Variants in RIBC2 observed in about 807,000 individuals in gnomAD.
RIBC2 encodes RIB43A domain with coiled-coils 2.
A neutral mutation model predicts 44.3 loss-of-function variants in RIBC2; 40 were observed. The ratio of observed to expected loss-of-function variants is 0.90; its 90% confidence interval spans 0.70 to 1.18. The LOEUF (loss-of-function observed/expected upper bound fraction) is 1.18. RIBC2 is among the 50% of genes most tolerant of loss of function. RIBC2 has a pLI of 0.00. For synonymous variants in RIBC2, 171 were observed against 175.0 expected (o/e 0.98, Z 0.18); for missense variants, 459 against 485.5 (o/e 0.95, Z 0.51).
chr22:45,430,258 C>T (rs770748753), intron 5 of RIBC2, among the ~76,000 whole-genome samples: 9 of 152,228 alleles, frequency 5.9e-5, no homozygotes, highest in East Asian at 1.9e-4. Flanking sequence ...AAAGGGGACT[C>T]GTCTTCAGCC....
In RIBC2 at chr22:45,426,133, G is replaced by A. The variant is rs1377473773; in HGVS notation, c.861G>A (p.Glu287=). ...AGGGCATGACCCAGGAGCAGCTGGAGCAGATCCGCCTAGTCCAGAAGCAGC... is the reference window on the plus strand; with the variant it reads ...AGGGCATGACCCAGGAGCAGCTGGAACAGATCCGCCTAGTCCAGAAGCAGC... ...RWKGMTQEQL[E]QIRLVQKQQI... Residue 287 remains glutamate, a synonymous_variant, in exon 5 of 7, where the codon GAG becomes GAA. Coordinates refer to ENST00000614167, the MANE Select transcript of RIBC2 (RefSeq NM_015653.5). The A allele has an allele frequency of 6.2e-7, 1 of 1,613,932 alleles. No individual in the cohort carries two copies. Among genetic ancestry groups the A allele is most frequent in the East Asian group, 2.2e-5 (1 of 44,892 alleles).
At chr22:45,416,564 C>T (rs1696618031) in intron 2 of RIBC2, among the ~76,000 whole-genome samples, 1 of 152,052 alleles carries the variant, frequency 6.6e-6, no homozygotes, top group Non-Finnish European at 1.5e-5. Context: ...CGGGTTCAAG[C>T]GATTCTCCTG....
At chr22:45,427,586 A>T (rs908228197) in intron 5 of RIBC2, among the ~76,000 whole-genome samples, 6 of 152,254 alleles carry the variant, frequency 3.9e-5, no homozygotes, top group African/African-American at 9.6e-5. Flanking sequence ...CATAGGGCTC[A>T]GAACAAGGTC....
chr22:45,422,131 T>A (rs1372659720), intron 3 of RIBC2, among the ~76,000 whole-genome samples, 159 bp from the exon 4 acceptor site: 1 of 152,194 alleles, frequency 6.6e-6, no homozygotes, highest in Admixed American at 6.5e-5. Context: ...ATCTGGGAGC[T>A]TGACTCTCCC....
intron 5 of RIBC2, 72 bp downstream of exon 5, chr22:45,426,247 ATGTAGT>A: frequency 1.5e-6 from 2 of 1,332,796 alleles, no homozygotes; most frequent in Non-Finnish European, 2.1e-6. Flanking sequence ...CCAGGCACAA[ATGTAGT>A]TGTAGCAGGC....
chr22:45,413,842 C>T lies in RIBC2; in HGVS notation c.-45C>T. On this transcript the variant is annotated 5_prime_UTR_variant, in exon 1 of 7. Transcript: ENST00000614167. ...GCTACAGCTTCCTTATTTTCGTCGC[C>T]TGTTCTCCTGATCCTGCGTGTTCTA... 1 of 1,508,774 alleles carries T rather than the reference C, an allele frequency of 6.6e-7. No individual in the cohort carries two copies. Among genetic ancestry groups the T allele is most frequent in the Non-Finnish European group, 8.9e-7 (1 of 1,122,860 alleles). The allele number at this position is 1,508,774 out of a possible 1,614,324, so 93.5% of individuals were successfully genotyped here.
rs59918831 is a variant in RIBC2 at position 45,415,603 on chromosome 22, G to GTATATA, written c.211+1217_211+1222dup. Among the ~76,000 whole-genome samples the GTATATA allele has an allele frequency of 7.2e-4, 107 of 149,370 alleles. 1 individual carries two copies. The highest frequency in any genetic ancestry group is 2.1e-3 in the Admixed American group (32 of 14,940). On this transcript the variant is annotated intron_variant, in intron 2 of 6. Transcript: ENST00000614167. ...TGAGAATTGTGTTTTTTATATATGT[G>GTATATA]TATATATATATATATATATATAACA...
At chr22:45,429,012 T>C (rs1408225676) in intron 5 of RIBC2, among the ~76,000 whole-genome samples, 1 of 152,094 alleles carries the variant, frequency 6.6e-6, no homozygotes, top group East Asian at 1.9e-4. Flanking sequence ...AGAGAGAGAT[T>C]GGAAAAGTGG....
Position 45,432,364 on chromosome 22 carries a change from GA to G in RIBC2, c.*3del. The G allele has an allele frequency of 6.3e-7, 1 of 1,581,090 alleles. No individual in the cohort carries two copies. The highest frequency in any genetic ancestry group is 8.7e-7 in the Non-Finnish European group (1 of 1,151,442). ...CAATTTAATACAGGAAGTCGATAAT[GA>G]GGAACACACCCTTGTTCCCGTCATT... On this transcript the variant is annotated 3_prime_UTR_variant, in exon 7 of 7. Coordinates refer to ENST00000614167, the MANE Select transcript of RIBC2 (RefSeq NM_015653.5).
At chr22:45,420,811 G>A (rs537489677) in intron 3 of RIBC2, among the ~76,000 whole-genome samples, 2 of 152,302 alleles carry the variant, frequency 1.3e-5, no homozygotes, top group East Asian at 1.9e-4. Context: ...CAGCTGAACA[G>A]ACCTCTGCCA....
chr22:45,418,017 T>C (rs1602112109), intron 3 of RIBC2, 71 bp downstream of exon 3: 1 of 1,181,560 alleles, frequency 8.5e-7, no homozygotes, highest in East Asian at 2.6e-5. Flanking sequence ...TTTTTTTTTT[T>C]TTTTAAGCAA....
At chr22:45,420,916 G>C (rs973939345) in intron 3 of RIBC2, among the ~76,000 whole-genome samples, 4 of 152,110 alleles carry the variant, frequency 2.6e-5, no homozygotes, top group Non-Finnish European at 5.9e-5. Flanking sequence ...GTGGAGTTTG[G>C]CCAGGTGCAG....
chr22:45,426,425 G>C (rs2087535443), intron 5 of RIBC2, among the ~76,000 whole-genome samples: 1 of 152,254 alleles, frequency 6.6e-6, no homozygotes, highest in African/African-American at 2.4e-5. Flanking sequence ...ACCCAAAAGA[G>C]GGTAGGGAGG....
intron 5 of RIBC2, 64 bp from the exon 6 acceptor site, chr22:45,430,836 A>G: frequency 6.8e-7 from 1 of 1,461,260 alleles, no homozygotes; most frequent in Non-Finnish European, 9.1e-7. Context: ...GGCCTCCTAG[A>G]TAATCCCCTG....
At chr22:45,414,506 T>C (rs1475186980) in intron 2 of RIBC2, 103 bp downstream of exon 2, 1 of 720,200 alleles carries the variant, frequency 1.4e-6, no homozygotes, top group East Asian at 3.1e-5. Flanking sequence ...TTTTATTTTT[T>C]ATTTTTTTTA....
At chr22:45,427,143 A>C (rs2087541763) in intron 5 of RIBC2, among the ~76,000 whole-genome samples, 1 of 152,198 alleles carries the variant, frequency 6.6e-6, no homozygotes, top group Non-Finnish European at 1.5e-5. Context: ...TGTGGCAGAA[A>C]ACCACACATA....
At chr22:45,420,917 C>T (rs754212699) in intron 3 of RIBC2, among the ~76,000 whole-genome samples, 4 of 152,164 alleles carry the variant, frequency 2.6e-5, no homozygotes, top group Non-Finnish European at 5.9e-5. Flanking sequence ...TGGAGTTTGG[C>T]CAGGTGCAGT....
Position 45,430,921 on chromosome 22 carries a change from C to A in RIBC2, c.925C>A (p.Gln309Lys). The change falls in exon 6 of 7, where the codon CAG (glutamine) becomes AAG (lysine). Residue 309 changes from glutamine to lysine, a missense_variant. Coordinates refer to ENST00000614167, the MANE Select transcript of RIBC2 (RefSeq NM_015653.5). ...EKLRLQEEKR[Q>K]RDLDWDRRRI... ...CCAGAGGCTCCAGGAAGAAAAGCGC[C>A]AGCGAGACCTGGACTGGGACCGGCG... 1 of 1,598,038 alleles carries A rather than the reference C, an allele frequency of 6.3e-7. No individual in the cohort carries two copies.
chr22:45,423,677 A>G (rs976385710), intron 4 of RIBC2, among the ~76,000 whole-genome samples: 1 of 152,090 alleles, frequency 6.6e-6, no homozygotes, highest in Admixed American at 6.5e-5. Flanking sequence ...AACACGGGGG[A>G]GAGGAATGAG....
Sources: gnomAD v4.1 joint callset for allele counts (sites outside exome capture counted in the v4.1 genomes callset) on GRCh38, gnomAD v4.1.1 for gene constraint, MANE v1.5 for transcripts, NCBI Gene and HGNC (gene_info 2026-07-23, HGNC 2026-07-21) for gene names.